The following ATP6V1H variants were observed in gnomAD, a reference collection of about 807,000 sequenced individuals.
The protein encoded by ATP6V1H is ATPase H+ transporting V1 subunit H, also known as V-type proton ATPase subunit H.
Under a neutral mutation model 71.7 loss-of-function variants are expected in ATP6V1H, and 39 were observed. The ratio of observed to expected loss-of-function variants is 0.54; its 90% confidence interval spans 0.42 to 0.71. The LOEUF is 0.71. Ranked by LOEUF, ATP6V1H falls within the 30% of genes least tolerant of loss-of-function variation. The pLI, the probability that ATP6V1H is intolerant of heterozygous loss-of-function variation, is 0.00. For missense variants in ATP6V1H, 509 were observed against 594.9 expected, an observed-to-expected ratio of 0.86 and a Z score of 1.50; for synonymous variants, 192 against 199.3, an observed-to-expected ratio of 0.96 and a Z score of 0.31.
At chr8:53,821,322 G>A (rs1338478596) in intron 4 of ATP6V1H, among the ~76,000 whole-genome samples, 2 of 147,618 alleles carry the variant, frequency 1.4e-5, no homozygotes, top group Non-Finnish European at 3.0e-5. Flanking sequence ...GCAGTGGGCA[G>A]AGATCATGCC....
intron 7 of ATP6V1H, among the ~76,000 whole-genome samples, chr8:53,810,443 C>T (rs913964724): frequency 3.3e-5 from 5 of 152,062 alleles, no homozygotes; most frequent in Admixed American, 2.0e-4. Flanking sequence ...TTTGGCTCTA[C>T]AAAAATGTGG....
At chr8:53,814,221 G>T (rs1278949486) in intron 6 of ATP6V1H, among the ~76,000 whole-genome samples, 1 of 152,168 alleles carries the variant, frequency 6.6e-6, no homozygotes, top group East Asian at 1.9e-4. Context: ...AATCTTGGTG[G>T]TTCACAATCC....
rs61483238 is a variant in ATP6V1H at position 53,808,853 on chromosome 8, T to C, written c.579+2311A>G. 6.6e-3 allele frequency among the ~76,000 whole-genome samples: 1,011 copies of C among 152,038 alleles called. 7 individuals carry two copies. Among genetic ancestry groups the C allele is most frequent in the African/African-American group, 0.023 (959 of 41,478 alleles). ...ATGATCCACTTATAACTTAAAATGA[T>C]GCTTCTGAGGCCATTTTAAAAAAGG... is the stretch of plus-strand genomic sequence containing the variant. On this transcript the variant is annotated intron_variant, in intron 7 of 13. Coordinates refer to ENST00000359530, the MANE Select transcript of ATP6V1H (RefSeq NM_015941.4).
At chr8:53,799,923 T>A (rs1809855487) in intron 8 of ATP6V1H, among the ~76,000 whole-genome samples, 1 of 152,180 alleles carries the variant, frequency 6.6e-6, no homozygotes, top group South Asian at 2.1e-4. Flanking sequence ...CCTCCAGAAA[T>A]GTGAGAAGTA....
chr8:53,801,174 T>C (rs1029467139), intron 8 of ATP6V1H, among the ~76,000 whole-genome samples: 11 of 152,176 alleles, frequency 7.2e-5, no homozygotes, highest in African/African-American at 2.4e-4. Context: ...CTTTAAATCC[T>C]CACCCACCAA....
At chr8:53,725,817 A>C (rs1806790740) in intron 13 of ATP6V1H, among the ~76,000 whole-genome samples, 1 of 152,016 alleles carries the variant, frequency 6.6e-6, no homozygotes, top group Non-Finnish European at 1.5e-5. Flanking sequence ...CCAGAGTATG[A>C]TGACTTGCTT....
chr8:53,759,580 T>A (rs997786295), intron 11 of ATP6V1H, among the ~76,000 whole-genome samples: 1 of 152,216 alleles, frequency 6.6e-6, no homozygotes, highest in Non-Finnish European at 1.5e-5. Context: ...CGACATTAGC[T>A]AGAAATGTAA....
At chr8:53,825,780 G>C (rs1468746444) in intron 4 of ATP6V1H, among the ~76,000 whole-genome samples, 4 of 152,022 alleles carry the variant, frequency 2.6e-5, no homozygotes, top group African/African-American at 9.7e-5. Flanking sequence ...TCTAACTAAA[G>C]ATGAAACTAT....
At chr8:53,765,254 G>T (rs1016213556) in intron 11 of ATP6V1H, among the ~76,000 whole-genome samples, 1 of 151,626 alleles carries the variant, frequency 6.6e-6, no homozygotes, top group Non-Finnish European at 1.5e-5. Flanking sequence ...ATACAAAAAT[G>T]AGCTGGGCGT....
intron 13 of ATP6V1H, among the ~76,000 whole-genome samples, chr8:53,730,953 A>G (rs1381272394): frequency 2.0e-5 from 3 of 152,204 alleles, no homozygotes; most frequent in African/African-American, 7.2e-5. Flanking sequence ...TGAGAAAGAT[A>G]AACCCCTTAC....
At chr8:53,758,438 C>T (rs558807507) in intron 11 of ATP6V1H, among the ~76,000 whole-genome samples, 15 of 152,236 alleles carry the variant, frequency 9.9e-5, no homozygotes, top group Admixed American at 4.6e-4. Context: ...CATTTTGTCC[C>T]TAACTATCCC....
chr8:53,770,125 TGTAAA>T (rs778980061), intron 10 of ATP6V1H, among the ~76,000 whole-genome samples: 9 of 152,266 alleles, frequency 5.9e-5, no homozygotes, highest in Non-Finnish European at 1.0e-4. Flanking sequence ...TAATATGTTA[TGTAAA>T]AGCATAGTAC....
chr8:53,722,887 A>G (rs2130088320), intron 13 of ATP6V1H, among the ~76,000 whole-genome samples: 1 of 152,322 alleles, frequency 6.6e-6, no homozygotes, highest in East Asian at 1.9e-4. Context: ...GCTCAACTAA[A>G]TCCACAGTGA....
At chr8:53,753,656 C>G (rs1230450004) in intron 12 of ATP6V1H, among the ~76,000 whole-genome samples, 1 of 152,142 alleles carries the variant, frequency 6.6e-6, no homozygotes, top group African/African-American at 2.4e-5. Context: ...TAAGAGGGCT[C>G]TATATACCAT....
intron 13 of ATP6V1H, among the ~76,000 whole-genome samples, chr8:53,732,553 G>A (rs1442526809): frequency 6.6e-6 from 1 of 151,948 alleles, no homozygotes. Context: ...GTGGTGACAG[G>A]GGTCAGAGCC....
At chr8:53,748,302 A>G (rs1422662235) in intron 12 of ATP6V1H, among the ~76,000 whole-genome samples, 2 of 152,216 alleles carry the variant, frequency 1.3e-5, no homozygotes, top group Non-Finnish European at 2.9e-5. Context: ...TAAAGAGGTA[A>G]TGATAGTATT....
Position 53,829,552 on chromosome 8 carries a change from T to A in ATP6V1H, c.217-19A>T. The stretch of plus-strand genomic sequence containing the variant: ...TAGCACACTAAAAAAAAAAATGAAA[T>A]TAAAGTTATTGTTTTTATTTGCAGA... On this transcript the variant is annotated intron_variant, in intron 3 of 13. Transcript: ENST00000359530. The A allele has an allele frequency of 6.9e-7, 1 of 1,448,826 alleles. No homozygotes were observed. The highest frequency in any genetic ancestry group is 9.5e-7 in the Non-Finnish European group (1 of 1,057,824). The allele number at this position is 1,448,826 out of a possible 1,614,324, so 89.7% of individuals were successfully genotyped here.
intron 4 of ATP6V1H, among the ~76,000 whole-genome samples, chr8:53,823,181 TAAGA>T (rs1810716494): frequency 6.6e-6 from 1 of 152,074 alleles, no homozygotes; most frequent in Admixed American, 6.6e-5. Context: ...TTATACCCCT[TAAGA>T]AAGAATACAT....
intron 13 of ATP6V1H, among the ~76,000 whole-genome samples, chr8:53,740,559 A>G (rs1325393170): frequency 1.3e-5 from 2 of 152,244 alleles, no homozygotes; most frequent in Non-Finnish European, 1.5e-5. Flanking sequence ...AATCGAGCCA[A>G]TGCTAAAAGA....
Sources: allele counts gnomAD v4.1 joint callset (sites outside exome capture counted in the v4.1 genomes callset), GRCh38; gene constraint gnomAD v4.1.1; transcripts MANE v1.5; gene names NCBI Gene and HGNC (gene_info 2026-07-23, HGNC 2026-07-21).